ANKRD17: variants seen among roughly 807,000 people sequenced by gnomAD.
ANKRD17 encodes ankyrin repeat domain-containing protein 17.
In ANKRD17, 19 loss-of-function variants were observed where a neutral mutation model predicts 229.7. The ratio of observed to expected loss-of-function variants is 0.08; its 90% CI spans 0.06 to 0.12. The LOEUF (loss-of-function observed/expected upper bound fraction) is 0.12, where lower values mean the gene tolerates loss of function less well. Among genes scored for constraint, ANKRD17 ranks in the 10% least tolerant of loss-of-function variants. ANKRD17 has a pLI of 1.00. For synonymous variants in ANKRD17, 1,112 were observed against 1,146.1 expected, an observed-to-expected ratio of 0.97 and a Z score of 0.60; for missense variants, 2,176 against 3,176.8, an observed-to-expected ratio of 0.68 and a Z score of 7.57.
intron 1 of ANKRD17, among the ~76,000 whole-genome samples, chr4:73,235,700 C>T (rs1743438121): frequency 6.6e-6 from 1 of 152,040 alleles, no homozygotes; most frequent in African/African-American, 2.4e-5. Context: ...AAGGAAATAG[C>T]TATAAACTTT....
intron 1 of ANKRD17, among the ~76,000 whole-genome samples, chr4:73,191,725 G>T (rs575411933): frequency 3.6e-4 from 55 of 151,846 alleles, no homozygotes; most frequent in African/African-American, 1.3e-3. Flanking sequence ...GCAATTCATA[G>T]GATAAATACG....
intron 16 of ANKRD17, among the ~76,000 whole-genome samples, chr4:73,133,075 C>T (rs770365885): frequency 3.3e-5 from 5 of 151,890 alleles, no homozygotes; most frequent in Middle Eastern, 3.2e-3. Context: ...TGGTGAAACC[C>T]CATCTCTACT....
At chr4:73,128,576 C>A (rs1176915380) in intron 16 of ANKRD17, among the ~76,000 whole-genome samples, 1 of 151,968 alleles carries the variant, frequency 6.6e-6, no homozygotes, top group Non-Finnish European at 1.5e-5. Context: ...TATTAAGCAC[C>A]TTTTATATTC....
chr4:73,208,611 A>G (rs1739827555), intron 1 of ANKRD17, among the ~76,000 whole-genome samples: 2 of 152,332 alleles, frequency 1.3e-5, no homozygotes, highest in South Asian at 4.1e-4. Flanking sequence ...TAGAGTGACT[A>G]ACAGCCTTAG....
intron 1 of ANKRD17, among the ~76,000 whole-genome samples, chr4:73,210,745 C>A (rs943243530): frequency 2.0e-5 from 3 of 151,536 alleles, no homozygotes; most frequent in Non-Finnish European, 2.9e-5. Flanking sequence ...TGGAGTATCT[C>A]CATTATGAGG....
At chr4:73,081,079 T>C (rs1359454058) in intron 30 of ANKRD17, among the ~76,000 whole-genome samples, 1 of 152,244 alleles carries the variant, frequency 6.6e-6, no homozygotes, top group Non-Finnish European at 1.5e-5. Flanking sequence ...GCTCCCTCTC[T>C]GCACAACTAT....
intron 27 of ANKRD17, 83 bp from the exon 28 acceptor site, chr4:73,094,311 A>T (rs1011755868): frequency 1.2e-5 from 15 of 1,243,564 alleles, no homozygotes; most frequent in Non-Finnish European, 1.6e-5. Context: ...GAGTATTACT[A>T]AAATGTCTTT....
At chr4:73,220,899 C>A (rs188489107) in intron 1 of ANKRD17, among the ~76,000 whole-genome samples, 2 of 152,034 alleles carry the variant, frequency 1.3e-5, no homozygotes, top group Non-Finnish European at 2.9e-5. Context: ...AAGGAGTTAT[C>A]CCTGTGGGGG....
intron 1 of ANKRD17, among the ~76,000 whole-genome samples, chr4:73,225,426 G>A (rs1278495335): frequency 1.3e-5 from 2 of 152,106 alleles, no homozygotes; most frequent in East Asian, 3.8e-4. Context: ...ATTATGGGGT[G>A]CTTCTGTTTT....
chr4:73,153,877 T>C lies in ANKRD17; in HGVS notation c.1234+3A>G, dbSNP rs758876858. On this transcript the variant is annotated splice_donor_region_variant and intron_variant, in intron 6 of 33. Transcript: ENST00000358602. ...TTTGTTTTAAGAAAGGTTTATACTG[T>C]ACCTTTGTAACAAGCTAAGGTAAGG... 1.3e-6 allele frequency: 2 copies of C among 1,568,278 alleles called. No homozygotes were observed. Among genetic ancestry groups the C allele is most frequent in the East Asian group, 2.3e-5 (1 of 44,330 alleles).
intron 29 of ANKRD17, among the ~76,000 whole-genome samples, chr4:73,088,632 T>C (rs931915716): frequency 1.3e-5 from 2 of 152,188 alleles, no homozygotes; most frequent in Non-Finnish European, 2.9e-5. Context: ...TCTAATTATA[T>C]TGATTCTATT....
intron 10 of ANKRD17, among the ~76,000 whole-genome samples, 172 bp from the exon 11 acceptor site, chr4:73,145,004 T>C (rs1730073011): frequency 6.6e-6 from 1 of 152,142 alleles, no homozygotes; most frequent in Non-Finnish European, 1.5e-5. Context: ...AAATCTCAAA[T>C]CATAAACATG....
chr4:73,113,229 A>T, intron 24 of ANKRD17: 3 of 1,288,992 alleles, frequency 2.3e-6, no homozygotes, highest in Non-Finnish European at 3.0e-6. Flanking sequence ...GAAGTGAAGA[A>T]GCTATAAGAC....
intron 1 of ANKRD17, among the ~76,000 whole-genome samples, chr4:73,196,425 TTTC>T: frequency 6.6e-6 from 1 of 152,252 alleles, no homozygotes; most frequent in African/African-American, 2.4e-5. Flanking sequence ...ATTTGAAAAC[TTTC>T]TTCTTTTCTG....
chr4:73,154,255 A>G, intron 5 of ANKRD17, 142 bp from the exon 6 acceptor site: 2 of 377,386 alleles, frequency 5.3e-6, no homozygotes, highest in Non-Finnish European at 8.8e-6. Flanking sequence ...GTAAATATAT[A>G]TCTATATATA....
At chr4:73,161,142 T>C in intron 3 of ANKRD17, 50 bp downstream of exon 3, 1 of 1,594,826 alleles carries the variant, frequency 6.3e-7, no homozygotes, top group Non-Finnish European at 8.6e-7. Flanking sequence ...CTATTTGTTA[T>C]TATTTTTAAG....
At chr4:73,118,874 CA>C in intron 21 of ANKRD17, 24 bp from the exon 22 acceptor site, 1 of 1,222,066 alleles carries the variant, frequency 8.2e-7, no homozygotes, top group Non-Finnish European at 1.1e-6. Flanking sequence ...ACACAGATAG[CA>C]TTGTCTTTTT....
chr4:73,238,797 A>G (rs1414649378), intron 1 of ANKRD17, among the ~76,000 whole-genome samples: 1 of 152,176 alleles, frequency 6.6e-6, no homozygotes, highest in African/African-American at 2.4e-5. Flanking sequence ...AGAAGGCAGT[A>G]CAATATGAGA....
chr4:73,189,605 C>T (rs968228755), intron 1 of ANKRD17, among the ~76,000 whole-genome samples: 5 of 152,094 alleles, frequency 3.3e-5, no homozygotes, highest in African/African-American at 1.2e-4. Context: ...GCATTACAGG[C>T]GTGAGCCATC....
Sources: gnomAD v4.1 joint callset for allele counts (sites outside exome capture counted in the v4.1 genomes callset) on GRCh38, gnomAD v4.1.1 for gene constraint, MANE v1.5 for transcripts, NCBI Gene and HGNC (gene_info 2026-07-23, HGNC 2026-07-21) for gene names.